Variants in ADCY2 observed in about 807,000 individuals in gnomAD.
ADCY2 encodes the protein adenylate cyclase 2.
In ADCY2, 31 loss-of-function variants were observed where a neutral mutation model predicts 125.2. The ratio of observed to expected loss-of-function variants is 0.25; its 90% confidence interval spans 0.19 to 0.33. The LOEUF (loss-of-function observed/expected upper bound fraction) is 0.33, where lower values mean the gene tolerates loss of function less well. Among genes scored for constraint, ADCY2 ranks in the 10% least tolerant of loss-of-function variants. ADCY2 has a pLI of 1.00. For missense variants in ADCY2, 904 were observed against 1,418.2 expected (o/e 0.64, Z 5.82); for synonymous variants, 512 against 548.4 (o/e 0.93, Z 0.93).
At chr5:7,782,719 G>T (rs1743956280) in intron 18 of ADCY2, among the ~76,000 whole-genome samples, 1 of 152,234 alleles carries the variant, frequency 6.6e-6, no homozygotes. Flanking sequence ...TGTTAGCTGT[G>T]TGGTACCACT....
intron 3 of ADCY2, among the ~76,000 whole-genome samples, chr5:7,565,668 A>G (rs1735868619): frequency 6.6e-6 from 1 of 152,194 alleles, no homozygotes; most frequent in Non-Finnish European, 1.5e-5. Flanking sequence ...GCATGTGTCT[A>G]TATAACAATG....
chr5:7,504,581 G>C (rs1332136564), intron 2 of ADCY2, among the ~76,000 whole-genome samples: 1 of 150,498 alleles, frequency 6.6e-6, no homozygotes, highest in East Asian at 1.9e-4. Context: ...TCTTTGAAGT[G>C]ATTTCTTTCT....
intron 23 of ADCY2, among the ~76,000 whole-genome samples, chr5:7,818,855 A>AG (rs1745205337): frequency 6.6e-6 from 1 of 152,228 alleles, no homozygotes; most frequent in Non-Finnish European, 1.5e-5. Context: ...AATAAAAAAA[A>AG]ATGTATTACA....
chr5:7,729,975 C>T (rs1742050495), intron 14 of ADCY2, among the ~76,000 whole-genome samples: 1 of 151,936 alleles, frequency 6.6e-6, no homozygotes. Flanking sequence ...TCAGTGCATT[C>T]AGCACCCAAG....
At chr5:7,725,602 T>A (rs1330313684) in intron 13 of ADCY2, among the ~76,000 whole-genome samples, 2 of 152,212 alleles carry the variant, frequency 1.3e-5, no homozygotes, top group Admixed American at 1.3e-4. Context: ...TTAATAACTT[T>A]AGCAAATATT....
intron 22 of ADCY2, among the ~76,000 whole-genome samples, chr5:7,813,125 G>C (rs916349060): frequency 3.3e-5 from 5 of 152,180 alleles, no homozygotes; most frequent in African/African-American, 1.2e-4. Flanking sequence ...ATGCTCAGCT[G>C]GGAGAAGTCT....
chr5:7,526,428 A>T (rs1734464217), intron 3 of ADCY2, among the ~76,000 whole-genome samples: 1 of 150,440 alleles, frequency 6.6e-6, no homozygotes, highest in Non-Finnish European at 1.5e-5. Context: ...ATAGTTTACA[A>T]CAATTCATTA....
intron 2 of ADCY2, among the ~76,000 whole-genome samples, chr5:7,477,196 A>C (rs1485454866): frequency 3.8e-5 from 1 of 26,166 alleles, no homozygotes; most frequent in Non-Finnish European, 8.3e-5. Flanking sequence ...AAAGGACTTG[A>C]TGTTTTTTTT....
At chr5:7,804,504 C>A in intron 21 of ADCY2, 81 bp from the exon 22 acceptor site, 3 of 1,069,176 alleles carry the variant, frequency 2.8e-6, no homozygotes, top group South Asian at 1.3e-5. Flanking sequence ...TGTGAACCAG[C>A]ATTTGAGAAT....
At chr5:7,780,114 G>A (rs186642298) in intron 18 of ADCY2, among the ~76,000 whole-genome samples, 2 of 152,290 alleles carry the variant, frequency 1.3e-5, no homozygotes, top group East Asian at 1.9e-4. Flanking sequence ...GTGTGTCTTA[G>A]CAATTCCCTG....
intron 2 of ADCY2, among the ~76,000 whole-genome samples, chr5:7,484,094 A>G (rs1251790699): frequency 6.6e-6 from 1 of 152,206 alleles, no homozygotes; most frequent in African/African-American, 2.4e-5. Context: ...ACTTTAATCC[A>G]TCTGTCAATT....
chr5:7,666,764 C>T (rs552570830), intron 4 of ADCY2, among the ~76,000 whole-genome samples: 1 of 152,180 alleles, frequency 6.6e-6, no homozygotes, highest in African/African-American at 2.4e-5. Context: ...GTTGATATTG[C>T]CCCCCTGGCT....
At chr5:7,611,668 G>A (rs920628358) in intron 3 of ADCY2, among the ~76,000 whole-genome samples, 2 of 152,184 alleles carry the variant, frequency 1.3e-5, no homozygotes, top group Non-Finnish European at 2.9e-5. Context: ...TGGGAACAGT[G>A]GAGAGTTTAT....
chr5:7,684,941 A>G (rs1280425965), intron 4 of ADCY2: 3 of 152,200 alleles, frequency 2.0e-5, no homozygotes, highest in Non-Finnish European at 4.4e-5. Context: ...TGCACAAAAC[A>G]TTCCAGTTTC....
chr5:7,755,181 G>A (rs779583249), intron 15 of ADCY2, among the ~76,000 whole-genome samples: 13 of 152,172 alleles, frequency 8.5e-5, no homozygotes, highest in Non-Finnish European at 1.6e-4. Context: ...GAGCTGGGCC[G>A]AGGGCGCCCC....
At chr5:7,756,531 A>G (rs1359178646) in intron 15 of ADCY2, among the ~76,000 whole-genome samples, 1 of 152,246 alleles carries the variant, frequency 6.6e-6, no homozygotes, top group Non-Finnish European at 1.5e-5. Flanking sequence ...ATAATGCTAC[A>G]ACATCGTGAT....
chr5:7,401,975 T>A (rs890229051), intron 1 of ADCY2, among the ~76,000 whole-genome samples: 1 of 152,216 alleles, frequency 6.6e-6, no homozygotes, highest in East Asian at 1.9e-4. Context: ...TCTTCCTTCA[T>A]TGAGTATTTA....
At chr5:7,784,847 C>G (rs896358026) in intron 19 of ADCY2, among the ~76,000 whole-genome samples, 1 of 151,782 alleles carries the variant, frequency 6.6e-6, no homozygotes, top group Non-Finnish European at 1.5e-5. Flanking sequence ...CTTGTTTGAA[C>G]TGGGCCTGAA....
At chr5:7,724,413 T>G (rs1294155517) in intron 12 of ADCY2, 132 bp from the exon 13 acceptor site, 8 of 695,736 alleles carry the variant, frequency 1.1e-5, no homozygotes, top group African/African-American at 5.6e-5. Flanking sequence ...CACGTGTTTT[T>G]TTTTTTTTTT....
Sources: allele counts gnomAD v4.1 joint callset (sites outside exome capture counted in the v4.1 genomes callset), GRCh38; gene constraint gnomAD v4.1.1; transcripts MANE v1.5; gene names NCBI Gene and HGNC (gene_info 2026-07-23, HGNC 2026-07-21).